OLFM2: variants seen among roughly 807,000 people sequenced by gnomAD.
OLFM2 encodes the protein olfactomedin 2, also known as noelin-2.
In OLFM2, 20 loss-of-function variants were observed where a neutral mutation model predicts 43.9. The ratio of observed to expected loss-of-function variants is 0.46; its 90% confidence interval spans 0.32 to 0.66. The LOEUF is 0.66. Among genes scored for constraint, OLFM2 ranks in the 30% least tolerant of loss-of-function variants. OLFM2 has a pLI of 0.04. For synonymous variants in OLFM2, 268 were observed against 278.6 expected (o/e 0.96, Z 0.38); for missense variants, 416 against 643.6 (o/e 0.65, Z 3.83).
At chr19:9,884,374 G>A (rs2046567824) in intron 1 of OLFM2, among the ~76,000 whole-genome samples, 4 of 151,212 alleles carry the variant, frequency 2.6e-5, no homozygotes, top group African/African-American at 2.4e-5. Context: ...TCAGGAGTTC[G>A]AAACCAGCCT....
intron 1 of OLFM2, among the ~76,000 whole-genome samples, chr19:9,901,980 A>G (rs2046743779): frequency 6.6e-6 from 1 of 152,186 alleles, no homozygotes; most frequent in African/African-American, 2.4e-5. Flanking sequence ...TCTGTGTACA[A>G]TTCGTGAGCC....
At position 9,936,423 on chromosome 19, in the gene OLFM2, G is replaced by A. The variant is rs1175933665; in HGVS notation, c.-57C>T. On this transcript the variant is annotated 5_prime_UTR_variant, in exon 1 of 6. Transcript: ENST00000264833. ...GCCCGCCCTAGCGGCGCCTCGGCGCGGGGACCGCCACCAGGCGCGACCCCG... is the reference window on the plus strand; with the variant it reads ...GCCCGCCCTAGCGGCGCCTCGGCGCAGGGACCGCCACCAGGCGCGACCCCG... The A allele has an allele frequency of 9.6e-5, 112 of 1,160,648 alleles. No individual in the cohort carries two copies. Among genetic ancestry groups the A allele is most frequent in the Non-Finnish European group, 1.1e-4 (108 of 943,838 alleles). 71.9% of individuals were successfully genotyped at this position (1,160,648 alleles called of 1,614,324 possible).
At chr19:9,906,298 AC>A (rs2046785419) in intron 1 of OLFM2, among the ~76,000 whole-genome samples, 3 of 150,962 alleles carry the variant, frequency 2.0e-5, no homozygotes, top group African/African-American at 7.4e-5. Flanking sequence ...CTGCGGGCAC[AC>A]AGGGTGGGGG....
chr19:9,922,543 A>G (rs1357811795), intron 1 of OLFM2, among the ~76,000 whole-genome samples: 1 of 152,086 alleles, frequency 6.6e-6, no homozygotes, highest in Non-Finnish European at 1.5e-5. Context: ...CAGCATAACC[A>G]GACCCTGACT....
intron 1 of OLFM2, among the ~76,000 whole-genome samples, chr19:9,872,662 C>A (rs1047731091): frequency 9.2e-5 from 14 of 152,136 alleles, no homozygotes; most frequent in African/African-American, 3.4e-4. Flanking sequence ...GATTGTGAAT[C>A]CACATATTCA....
intron 1 of OLFM2, among the ~76,000 whole-genome samples, chr19:9,922,394 A>G (rs545039266): frequency 1.7e-4 from 26 of 152,164 alleles, no homozygotes; most frequent in Non-Finnish European, 3.4e-4. Context: ...GTCAATAAAC[A>G]TATGCAAAGG....
At chr19:9,865,116 G>A (rs2046390725) in intron 1 of OLFM2, among the ~76,000 whole-genome samples, 1 of 151,184 alleles carries the variant, frequency 6.6e-6, no homozygotes, top group Non-Finnish European at 1.5e-5. Flanking sequence ...TGCCCCTTTG[G>A]TTCTGGGAGG....
intron 1 of OLFM2, among the ~76,000 whole-genome samples, chr19:9,916,506 T>C (rs1340326288): frequency 1.3e-5 from 2 of 152,120 alleles, no homozygotes; most frequent in Non-Finnish European, 2.9e-5. Flanking sequence ...GAAACTGAGC[T>C]CAGAGAGGAG....
In OLFM2 at chr19:9,854,709, T is replaced by C; in HGVS notation, c.842A>G (p.Asn281Ser). 6.2e-7 allele frequency: 1 copy of C among 1,614,184 alleles called. No homozygotes were observed. Among genetic ancestry groups the C allele is most frequent in the Non-Finnish European group, 8.5e-7 (1 of 1,180,030 alleles). The change falls in exon 6 of 6, where the codon AAC becomes AGC. Residue 281 changes from asparagine to serine, a missense_variant. By Grantham distance (46) the Asn-to-Ser change is conservative. Coordinates refer to ENST00000264833, the MANE Select transcript of OLFM2 (RefSeq NM_058164.4). This position sits in a 1 kb window ranked among gnomAD's most constrained non-coding sequence, Gnocchi z 9.5. ...GACCACCACGTTGCTCTGGTACTTG[T>C]TATAGAACAGGGAGCCGTTGTACAC... ...HVVYNGSLFY[N>S]KYQSNVVVKY...
intron 1 of OLFM2, among the ~76,000 whole-genome samples, chr19:9,932,721 T>A (rs768523010): frequency 6.6e-6 from 1 of 151,838 alleles, no homozygotes; most frequent in African/African-American, 2.4e-5. Flanking sequence ...CAGGAAAGAG[T>A]TGGTCCCAAA....
intron 1 of OLFM2, among the ~76,000 whole-genome samples, chr19:9,932,185 C>T (rs896862334): frequency 6.7e-5 from 10 of 150,216 alleles, no homozygotes; most frequent in African/African-American, 2.4e-4. Flanking sequence ...TATGGCCGGG[C>T]GTGGTGGCTC....
chr19:9,855,680 ACAAGTCACCACGCCCAGCTTATTTATTGT>A (rs1248554344), intron 5 of OLFM2, among the ~76,000 whole-genome samples: 2 of 152,144 alleles, frequency 1.3e-5, no homozygotes, highest in East Asian at 3.9e-4. Context: ...GACTACAGGC[ACAAGTCACCACGCCCAGCTTATTTATTGT>A]ATCTTTAGTA....
intron 1 of OLFM2, among the ~76,000 whole-genome samples, chr19:9,907,644 A>G (rs2046795702): frequency 6.6e-6 from 1 of 152,120 alleles, no homozygotes; most frequent in South Asian, 2.1e-4. Flanking sequence ...AGATGGAGAT[A>G]GAATCCCAGA....
intron 1 of OLFM2, among the ~76,000 whole-genome samples, chr19:9,926,073 G>T (rs1355676646): frequency 6.6e-6 from 1 of 151,748 alleles, no homozygotes; most frequent in Non-Finnish European, 1.5e-5. Context: ...GGAGATAGAG[G>T]TTGCAGCGAG....
At chr19:9,872,274 G>A (rs913579340) in intron 1 of OLFM2, among the ~76,000 whole-genome samples, 4 of 152,198 alleles carry the variant, frequency 2.6e-5, no homozygotes, top group Non-Finnish European at 5.9e-5. Context: ...CACTTCGGGA[G>A]GCCAAGGCAG....
intron 1 of OLFM2, among the ~76,000 whole-genome samples, chr19:9,910,281 C>A (rs1344731779): frequency 6.6e-6 from 1 of 152,146 alleles, no homozygotes; most frequent in Admixed American, 6.6e-5. Context: ...CAAAGTCACA[C>A]AGCTAGTAAA....
chr19:9,892,402 T>C (rs1159140402), intron 1 of OLFM2, among the ~76,000 whole-genome samples: 1 of 152,128 alleles, frequency 6.6e-6, no homozygotes, highest in African/African-American at 2.4e-5. Context: ...GATCCTAGGA[T>C]GACCTGGCAT....
chr19:9,929,986 C>A (rs1321340500), intron 1 of OLFM2, among the ~76,000 whole-genome samples: 1 of 152,090 alleles, frequency 6.6e-6, no homozygotes, highest in Admixed American at 6.6e-5. Context: ...TTGCGGTGAG[C>A]CGAGATCGCG....
At chr19:9,863,741 C>CT (rs907582021) in intron 1 of OLFM2, among the ~76,000 whole-genome samples, 82 of 145,902 alleles carry the variant, frequency 5.6e-4, no homozygotes, top group Middle Eastern at 3.6e-3. Flanking sequence ...TCAATCGAGT[C>CT]TTTTTTTTTT....
Sources: gnomAD v4.1 joint callset for allele counts (sites outside exome capture counted in the v4.1 genomes callset) on GRCh38, gnomAD v4.1.1 for gene constraint, Gnocchi (gnomAD v3.1) non-coding constraint, MANE v1.5 for transcripts, NCBI Gene and HGNC (gene_info 2026-07-23, HGNC 2026-07-21) for gene names.